FDFT1: variants seen among roughly 807,000 people sequenced by gnomAD.
FDFT1 encodes squalene synthase.
A neutral mutation model predicts 46.8 loss-of-function variants in FDFT1; 68 were observed. That is an observed-to-expected ratio of 1.45 (90% CI 1.19 to 1.78). The LOEUF is 1.78. FDFT1 is among the 40% of genes most tolerant of loss of function. The pLI is 0.00. For synonymous variants in FDFT1, 351 were observed against 185.1 expected (o/e 1.90, Z -7.28); for missense variants, 928 against 524.4 (o/e 1.77, Z -7.52).
intron 3 of FDFT1, chr8:11,810,054 T>A: frequency 1.9e-6 from 1 of 533,872 alleles, no homozygotes; most frequent in East Asian, 3.0e-5. Context: ...ACTAAACTGT[T>A]GGTTACTTAC....
intron 6 of FDFT1, among the ~76,000 whole-genome samples, chr8:11,831,091 T>C (rs1351889146): frequency 6.6e-6 from 1 of 152,218 alleles, no homozygotes; most frequent in African/African-American, 2.4e-5. Flanking sequence ...GTTCTCCCCC[T>C]GGCATTGGTT....
At chr8:11,803,357 C>G (rs987176973) in intron 1 of FDFT1, 2 of 1,290,418 alleles carry the variant, frequency 1.5e-6, no homozygotes, top group East Asian at 5.5e-5. Context: ...GGAATGAAGT[C>G]TGACTCCTCC....
chr8:11,818,074 T>G (rs2130788732), intron 3 of FDFT1, among the ~76,000 whole-genome samples: 1 of 152,350 alleles, frequency 6.6e-6, no homozygotes, highest in African/African-American at 2.4e-5. Context: ...TTGTTCTCAT[T>G]GGTTTCAAAG....
chr8:11,834,163 C>T (rs534518718), intron 7 of FDFT1, among the ~76,000 whole-genome samples: 150 of 152,300 alleles, frequency 9.8e-4, no homozygotes, highest in African/African-American at 3.5e-3. Flanking sequence ...CGAGCATGCA[C>T]CTGGAAGGGA....
At chr8:11,809,195 T>C in intron 2 of FDFT1, 1 of 1,220,540 alleles carries the variant, frequency 8.2e-7, no homozygotes, top group East Asian at 4.2e-5. Context: ...CGGCTTCCCT[T>C]ATCCAACTTT....
intron 3 of FDFT1, among the ~76,000 whole-genome samples, chr8:11,821,004 C>T (rs745493518): frequency 3.3e-5 from 5 of 152,212 alleles, no homozygotes; most frequent in Non-Finnish European, 7.3e-5. Context: ...ATCTTGGAAG[C>T]AACTCTGGGT....
intron 3 of FDFT1, among the ~76,000 whole-genome samples, chr8:11,814,372 G>A (rs773554246): frequency 1.3e-5 from 2 of 149,676 alleles, no homozygotes; most frequent in Non-Finnish European, 2.9e-5. Flanking sequence ...TAAATTATGT[G>A]TATTCCTGGT....
chr8:11,814,562 C>G (rs1015483755), intron 3 of FDFT1, among the ~76,000 whole-genome samples: 4 of 152,090 alleles, frequency 2.6e-5, no homozygotes, highest in African/African-American at 9.7e-5. Context: ...TTAAGACTTC[C>G]CATGGTGTTT....
At chr8:11,809,268 C>G (rs531115088) in intron 2 of FDFT1, 1 of 1,113,756 alleles carries the variant, frequency 9.0e-7, no homozygotes, top group African/African-American at 1.6e-5. Context: ...ACATTACACC[C>G]ATGAACTTAG....
At chr8:11,807,116 T>A (rs561992453) in intron 1 of FDFT1, among the ~76,000 whole-genome samples, 19 of 151,850 alleles carry the variant, frequency 1.3e-4, no homozygotes, top group Non-Finnish European at 2.5e-4. Context: ...TTCCTAGAAG[T>A]GGATATGCCA....
At chr8:11,803,461 C>T (rs1033129300) in intron 1 of FDFT1, 5 of 1,275,160 alleles carry the variant, frequency 3.9e-6, no homozygotes, top group South Asian at 1.3e-5. Flanking sequence ...CCTATCTACG[C>T]TTCCAAGTTC....
At chr8:11,798,456 C>T (rs749429929), upstream of FDFT1, among the ~76,000 whole-genome samples, 6 of 150,832 alleles carry the variant, frequency 4.0e-5, no homozygotes, top group Admixed American at 1.3e-4. Context: ...GTGGCTTAAA[C>T]CAAGATGGAG....
chr8:11,823,158 G>A (rs948013808), intron 4 of FDFT1, among the ~76,000 whole-genome samples: 2 of 152,074 alleles, frequency 1.3e-5, no homozygotes, highest in East Asian at 3.8e-4. Flanking sequence ...GTTTTGCCAT[G>A]TTGCCCAGGC....
chr8:11,799,381 C>T (rs571501205), upstream of FDFT1, among the ~76,000 whole-genome samples: 71 of 152,348 alleles, frequency 4.7e-4, no homozygotes, highest in Middle Eastern at 3.4e-3. Flanking sequence ...CGTTTAGCTG[C>T]TGGAGAAAAA....
At chr8:11,816,696 T>C (rs564055636) in intron 3 of FDFT1, among the ~76,000 whole-genome samples, 2 of 152,222 alleles carry the variant, frequency 1.3e-5, no homozygotes, top group African/African-American at 2.4e-5. Flanking sequence ...TAGGAATGCT[T>C]GAGATTTTTT....
rs1484285397 is a variant in FDFT1 at position 11,838,941 on chromosome 8, A to G, written c.*332A>G. On this transcript the variant is annotated 3_prime_UTR_variant, in exon 8 of 8. Transcript: ENST00000220584. ...TTAGTATGATCCTGGCTAGAATGAT[A>G]ATTAAAAGTATTTAATTTGAAGCAC... 1.7e-5 allele frequency: 4 copies of G among 238,258 alleles called. No individual in the cohort carries two copies. The highest frequency in any genetic ancestry group is 3.3e-5 in the Non-Finnish European group (4 of 121,654). 14.8% of individuals were successfully genotyped at this position (238,258 alleles called of 1,614,324 possible).
At chr8:11,803,287 A>G in intron 1 of FDFT1, 1 of 1,320,428 alleles carries the variant, frequency 7.6e-7, no homozygotes, top group African/African-American at 1.5e-5. Context: ...GGAGAGGACG[A>G]GTGAGTTTTT....
intron 3 of FDFT1, among the ~76,000 whole-genome samples, chr8:11,819,524 T>C (rs1033320260): frequency 7.9e-5 from 12 of 152,312 alleles, no homozygotes; most frequent in Non-Finnish European, 1.5e-4. Flanking sequence ...CGCATATTTA[T>C]TGAAGCCTTT....
intron 3 of FDFT1, among the ~76,000 whole-genome samples, chr8:11,815,025 C>A (rs781424200): frequency 6.6e-6 from 1 of 152,158 alleles, no homozygotes; most frequent in Non-Finnish European, 1.5e-5. Context: ...CTTGGCCCCC[C>A]ACCCCACAAC....
Sources: gnomAD v4.1 joint callset for allele counts (sites outside exome capture counted in the v4.1 genomes callset) on GRCh38, gnomAD v4.1.1 for gene constraint, MANE v1.5 for transcripts, NCBI Gene and HGNC (gene_info 2026-07-23, HGNC 2026-07-21) for gene names.